Variants in PYGL observed in about 807,000 individuals in gnomAD.
PYGL encodes the protein glycogen phosphorylase L, also known as glycogen phosphorylase, liver form.
Under a neutral mutation model 100.1 loss-of-function variants are expected in PYGL, and 90 were observed. The ratio of observed to expected loss-of-function variants is 0.90; its 90% confidence interval spans 0.76 to 1.07. The LOEUF (loss-of-function observed/expected upper bound fraction) is 1.07. PYGL is among the 50% of genes least tolerant of loss of function. The pLI, the probability that PYGL is intolerant of heterozygous loss-of-function variation, is 0.00. For synonymous variants in PYGL, 373 were observed against 393.0 expected, an observed-to-expected ratio of 0.95 and a Z score of 0.60; for missense variants, 1,016 against 1,057.6, an observed-to-expected ratio of 0.96 and a Z score of 0.55.
chr14:50,920,446 A>T, intron 7 of PYGL, 95 bp downstream of exon 7: 2 of 1,206,646 alleles, frequency 1.7e-6, no homozygotes, highest in Non-Finnish European at 2.5e-6. Context: ...ACATGGAAAA[A>T]CATCAATATT....
intron 1 of PYGL, among the ~76,000 whole-genome samples, chr14:50,938,574 C>T (rs773951018): frequency 9.9e-5 from 15 of 152,170 alleles, no homozygotes; most frequent in South Asian, 2.1e-4. Flanking sequence ...AATTCTTGTG[C>T]GAGATCCAAG....
At chr14:50,923,882 T>C in intron 5 of PYGL, 87 bp downstream of exon 5, 1 of 1,471,092 alleles carries the variant, frequency 6.8e-7, no homozygotes, top group Non-Finnish European at 9.5e-7. Flanking sequence ...CTATACTCAA[T>C]ATCACCACTA....
At chr14:50,920,899 A>G in intron 6 of PYGL, 57 bp downstream of exon 6, 3 of 1,507,812 alleles carry the variant, frequency 2.0e-6, no homozygotes, top group Non-Finnish European at 2.8e-6. Flanking sequence ...GGTTCTAACT[A>G]CCAATCAAAA....
intron 9 of PYGL, 42 bp from the exon 10 acceptor site, chr14:50,916,013 G>T (rs373891151): frequency 6.2e-7 from 1 of 1,611,818 alleles, no homozygotes; most frequent in African/African-American, 1.3e-5. Flanking sequence ...CTGAAGGTGG[G>T]CACCCCACTG....
At position 50,905,463 on chromosome 14, in the gene PYGL, T is replaced by A; in HGVS notation, c.2473A>T (p.Ile825Phe). 1 of 1,613,876 alleles carries A rather than the reference T, an allele frequency of 6.2e-7. No homozygotes were observed. Among genetic ancestry groups the A allele is most frequent in the Non-Finnish European group, 8.5e-7 (1 of 1,179,750 alleles). The change falls in exon 20 of 20, where the codon ATC becomes TTC. Residue 825 changes from isoleucine (I) to phenylalanine (F), a missense_variant. Physicochemically the swap from Ile to Phe is conservative, Grantham distance 21. Coordinates refer to ENST00000216392, the MANE Select transcript of PYGL (RefSeq NM_002863.5). ...AGATCTGAAGGTTCCACGTTCCAGA[T>A]GTTTTGGGCATATTCTTTAATTGTT... ...DRTIKEYAQNIWNVEPSDLKI... is the reference protein window; with the variant it reads ...DRTIKEYAQNFWNVEPSDLKI...
chr14:50,915,247 C>T, intron 11 of PYGL, 89 bp downstream of exon 11: 1 of 1,481,794 alleles, frequency 6.7e-7, no homozygotes, highest in Non-Finnish European at 9.4e-7. Flanking sequence ...CAAGGCCTTT[C>T]CTCATCCCTA....
chr14:50,909,851 G>T, intron 17 of PYGL, 44 bp downstream of exon 17: 1 of 1,603,208 alleles, frequency 6.2e-7, no homozygotes, highest in South Asian at 1.1e-5. Context: ...ACCTTCTAGG[G>T]GGGAGGGGCA....
rs746214390 is a variant in PYGL at position 50,911,905 on chromosome 14, G to T, written c.1828-34C>A. 5.0e-6 allele frequency: 8 copies of T among 1,613,970 alleles called. No homozygotes were observed. The Admixed American group carries it at 1.0e-4, about 20-fold the overall frequency. ...AAGAAGGTCAAACGCATTGACAGAA[G>T]GCAGCCATGATGAAGTAGAAGAATG... On this transcript the variant is annotated intron_variant, in intron 15 of 19. Transcript: ENST00000216392.
chr14:50,907,246 T>A (rs760352423), intron 19 of PYGL, among the ~76,000 whole-genome samples: 3 of 152,194 alleles, frequency 2.0e-5, no homozygotes, highest in East Asian at 1.9e-4. Context: ...TTTCTTTTTT[T>A]AAAAATTCAA....
chr14:50,921,416 C>T lies in PYGL; in HGVS notation c.661-349G>A, dbSNP rs144359893. 8.8e-3 allele frequency: 1,935 copies of T among 219,422 alleles called. 15 individuals carry two copies. The highest frequency in any genetic ancestry group is 0.019 in the Middle Eastern group (11 of 580). The allele number at this position is 219,422 out of a possible 1,614,324, so 13.6% of individuals were successfully genotyped here. A position where few individuals can be genotyped will look rare whatever the true frequency, so the allele number is the denominator to read the frequency against. On this transcript the variant is annotated intron_variant, in intron 5 of 19. Transcript: ENST00000216392. ...AGTTTATCTTTTTTTTTTTTTGAGA[C>T]GGAGTCTCACTCTGTTGCCCAGGCT...
Position 50,912,142 on chromosome 14 carries a change from C to G in PYGL, c.1768+14G>C. 1 of 1,614,226 alleles carries G rather than the reference C, an allele frequency of 6.2e-7. No homozygotes were observed. The highest frequency in any genetic ancestry group is 8.5e-7 in the Non-Finnish European group (1 of 1,180,042). ...CACCTGCAAGGGGGCTTGTTGGCTA[C>G]AGGGCTGACTCACGGTTGTACATCG... On this transcript the variant is annotated intron_variant, in intron 14 of 19. Coordinates refer to ENST00000216392, the MANE Select transcript of PYGL (RefSeq NM_002863.5).
intron 19 of PYGL, among the ~76,000 whole-genome samples, chr14:50,907,986 C>A (rs1324980420): frequency 7.0e-6 from 1 of 143,446 alleles, no homozygotes; most frequent in East Asian, 2.1e-4. Flanking sequence ...CACGCCGCTG[C>A]ACTCCCGTCT....
Position 50,916,756 on chromosome 14 carries a change from C to T in PYGL, c.1000-22G>A, listed in dbSNP as rs1388461943. 1.9e-6 allele frequency: 3 copies of T among 1,603,620 alleles called. No individual in the cohort carries two copies. The African/African-American group carries it at 4.0e-5, about 21-fold the overall frequency. ...CCACCTGGGTGGGGAAAGACATCAACATGAAGGCAACGGATGGCTCAGGGT... is the reference window on the plus strand; with the variant it reads ...CCACCTGGGTGGGGAAAGACATCAATATGAAGGCAACGGATGGCTCAGGGT... On this transcript the variant is annotated intron_variant, in intron 8 of 19. Transcript: ENST00000216392.
chr14:50,922,096 ATCAT>A (rs1405020954), intron 5 of PYGL, among the ~76,000 whole-genome samples: 2 of 152,214 alleles, frequency 1.3e-5, no homozygotes, highest in Admixed American at 6.5e-5. Context: ...CAAGTGAGAA[ATCAT>A]TCATTTTTAT....
In PYGL at chr14:50,924,034, G is replaced by T. The variant is rs1275561137; in HGVS notation, c.595C>A (p.Leu199Met). 4 of 1,613,554 alleles carry T rather than the reference G, an allele frequency of 2.5e-6. No individual in the cohort carries two copies. In the Admixed American group the frequency reaches 6.7e-5, roughly 27 times the overall value. ...PWEKSRPEFM[L>M]PVHFYGKVEH... ...ACTTTTCCATAGAAGTGCACAGGCA[G>T]CATGAATTCTGGGCGGGACTTCTCC... The change falls in exon 5 of 20, where the codon CTG becomes ATG. Residue 199 changes from leucine (L) to methionine (M), a missense_variant. Leu to Met is a conservative substitution (Grantham distance 15, BLOSUM62 2). Transcript: ENST00000216392.
chr14:50,937,647 C>G, intron 2 of PYGL, 89 bp downstream of exon 2: 3 of 1,271,414 alleles, frequency 2.4e-6, no homozygotes, highest in Non-Finnish European at 1.1e-6. Context: ...TCTTATTTTA[C>G]TTTATTTTTT....
At position 50,909,887 on chromosome 14, in the gene PYGL, T is replaced by G; in HGVS notation, c.2177+8A>C. 1 of 1,614,092 alleles carries G rather than the reference T, an allele frequency of 6.2e-7. No individual in the cohort carries two copies. Among genetic ancestry groups the G allele is most frequent in the Non-Finnish European group, 8.5e-7 (1 of 1,179,958 alleles). ...GTCCTGCCTAGCAAAGAGAAGCTAT[T>G]CTCTTACCCTTTCTTGTCCAAAGCA... is the stretch of plus-strand genomic sequence containing the variant. On this transcript the variant is annotated splice_region_variant and intron_variant, in intron 17 of 19. Transcript: ENST00000216392.
intron 19 of PYGL, among the ~76,000 whole-genome samples, chr14:50,907,324 G>A (rs918049405): frequency 6.6e-6 from 1 of 152,066 alleles, no homozygotes; most frequent in East Asian, 1.9e-4. Context: ...GAGAAGTCCA[G>A]AAGAGGTACC....
intron 4 of PYGL, among the ~76,000 whole-genome samples, chr14:50,926,742 A>G (rs1267053893): frequency 6.7e-6 from 1 of 148,670 alleles, no homozygotes; most frequent in Non-Finnish European, 1.5e-5. Context: ...AAAAAAAAAA[A>G]AAAAAAAAAA....
Sources: gnomAD v4.1 joint callset for allele counts (sites outside exome capture counted in the v4.1 genomes callset) on GRCh38, gnomAD v4.1.1 for gene constraint, MANE v1.5 for transcripts, NCBI Gene and HGNC (gene_info 2026-07-23, HGNC 2026-07-21) for gene names.